Variants in FBXL13 observed in about 807,000 individuals in gnomAD.
The protein encoded by FBXL13 is F-box and leucine rich repeat protein 13, also known as F-box and leucine-rich repeat protein 13.
In FBXL13, 67 loss-of-function variants were observed where a neutral mutation model predicts 83.6. That is an observed-to-expected ratio of 0.80 (90% CI 0.66 to 0.98). The LOEUF is 0.98. Ranked by LOEUF, FBXL13 falls within the 50% of genes least tolerant of loss-of-function variation. The pLI is 0.00. For synonymous variants in FBXL13, 272 were observed against 299.5 expected, an observed-to-expected ratio of 0.91 and a Z score of 0.95; for missense variants, 822 against 866.5, an observed-to-expected ratio of 0.95 and a Z score of 0.64.
intron 11 of FBXL13, among the ~76,000 whole-genome samples, chr7:102,884,683 T>C (rs1178591928): frequency 6.6e-6 from 1 of 152,128 alleles, no homozygotes; most frequent in East Asian, 1.9e-4. Flanking sequence ...ATTAACCACT[T>C]ACATAAGTTA....
At chr7:102,869,679 C>T (rs1250408136) in intron 16 of FBXL13, among the ~76,000 whole-genome samples, 2 of 152,014 alleles carry the variant, frequency 1.3e-5, no homozygotes, top group Non-Finnish European at 2.9e-5. Flanking sequence ...GAATCTAGTT[C>T]CATTCTTCTG....
intron 6 of FBXL13, among the ~76,000 whole-genome samples, chr7:102,972,657 C>A (rs972403373): frequency 6.6e-6 from 1 of 150,786 alleles, no homozygotes; most frequent in South Asian, 2.1e-4. Context: ...TTACTTTAAA[C>A]GTTTTTATTT....
At chr7:102,916,655 G>A (rs1038310007) in intron 10 of FBXL13, among the ~76,000 whole-genome samples, 16 of 152,140 alleles carry the variant, frequency 1.1e-4, no homozygotes, top group Admixed American at 5.2e-4. Context: ...TGGCAAAGAC[G>A]CGTGTCCCCT....
In FBXL13 at chr7:102,834,827, A is replaced by G. The variant is rs950470274; in HGVS notation, c.1720-1853T>C. ...AAATGTTCTCACCATAAAAAGTATC[A>G]TAAGTATGTAAGGTGATGAATGTTA... On this transcript the variant is annotated intron_variant, in intron 17 of 19. Transcript: ENST00000313221. 1.2e-4 allele frequency: 19 copies of G among 152,118 alleles called. No homozygotes were observed. The East Asian group carries it at 2.7e-3, about 22-fold the overall frequency. The allele number at this position is 152,118 out of a possible 1,614,324, so 9.4% of individuals were successfully genotyped here.
At chr7:103,068,232 C>T (rs1798580331) in intron 1 of FBXL13, among the ~76,000 whole-genome samples, 1 of 152,160 alleles carries the variant, frequency 6.6e-6, no homozygotes, top group Non-Finnish European at 1.5e-5. Flanking sequence ...GATGCTAATG[C>T]TACCAACAAA....
At chr7:102,820,757 A>G (rs946574659) in intron 19 of FBXL13, among the ~76,000 whole-genome samples, 4 of 152,082 alleles carry the variant, frequency 2.6e-5, no homozygotes, top group African/African-American at 7.2e-5. Context: ...TCAGGAACCC[A>G]CTCCCATGAT....
intron 11 of FBXL13, among the ~76,000 whole-genome samples, chr7:102,896,504 A>C (rs891369541): frequency 7.2e-5 from 11 of 152,192 alleles, no homozygotes; most frequent in Non-Finnish European, 1.3e-4. Context: ...TTAGTTTGCT[A>C]GACATGCTGT....
chr7:102,939,964 G>A (rs188259219), intron 8 of FBXL13, among the ~76,000 whole-genome samples: 9 of 151,504 alleles, frequency 5.9e-5, no homozygotes, highest in African/African-American at 1.9e-4. Flanking sequence ...GTGTGATCTC[G>A]GCTCACTGCA....
rs758992489 is a variant in FBXL13 at position 102,913,043 on chromosome 7, A to G, written c.1008+43T>C. The G allele has an allele frequency of 6.8e-6, 11 of 1,613,222 alleles. No individual in the cohort carries two copies. The Admixed American group carries it at 1.8e-4, about 27-fold the overall frequency. On this transcript the variant is annotated intron_variant, in intron 11 of 19. Transcript: ENST00000313221. Reference sequence around the variant, plus strand: ...CTGAATGCAGCCCATTCTCTGGAGAACTTCCTCACACACCGCAGCAAAGAG... The same window carrying G: ...CTGAATGCAGCCCATTCTCTGGAGAGCTTCCTCACACACCGCAGCAAAGAG...
chr7:103,028,218 T>C (rs1014768474), intron 4 of FBXL13, among the ~76,000 whole-genome samples: 3 of 152,200 alleles, frequency 2.0e-5, no homozygotes, highest in South Asian at 2.1e-4. Context: ...AGTTTCGTCA[T>C]ATATACATTA....
intron 8 of FBXL13, among the ~76,000 whole-genome samples, chr7:102,953,914 T>A (rs558441226): frequency 6.6e-6 from 1 of 152,334 alleles, no homozygotes; most frequent in South Asian, 2.1e-4. Flanking sequence ...TATACACATA[T>A]ACCTATAGGG....
At chr7:103,041,801 T>C (rs1795736532) in intron 2 of FBXL13, among the ~76,000 whole-genome samples, 1 of 152,178 alleles carries the variant, frequency 6.6e-6, no homozygotes, top group Non-Finnish European at 1.5e-5. Flanking sequence ...CTCAATAAAC[T>C]AGGTATTGAT....
chr7:103,024,967 T>A (rs966928414), intron 6 of FBXL13, 96 bp downstream of exon 7: 1 of 854,128 alleles, frequency 1.2e-6, no homozygotes, highest in Non-Finnish European at 1.6e-6. Context: ...TTCAAGCAAT[T>A]CTCCTGTCTC....
rs150360239 is a variant in FBXL13, at chr7:102,883,453, T to G, written c.1240A>C (p.Thr414Pro). 3.1e-6 allele frequency: 5 copies of G among 1,609,610 alleles called. No homozygotes were observed. In the African/African-American group the frequency reaches 6.7e-5, roughly 22 times the overall value. The change falls in exon 14 of 20, where the codon ACT (threonine) becomes CCT (proline). Residue 414 changes from threonine to proline, a missense_variant. Thr to Pro is a conservative substitution (Grantham distance 38). Transcript: ENST00000313221. ...TCTATAAATTTGAAGGATGCATCAG[T>G]AACCCTTTTATTTCCTGTTTTTAAA... is the stretch of plus-strand genomic sequence containing the variant.
rs143441326 is a variant in FBXL13, at chr7:103,027,416, G to A, written c.327+33C>T. On this transcript the variant is annotated intron_variant, in intron 5 of 19. Coordinates refer to ENST00000313221, the Ensembl canonical transcript of FBXL13. Reference sequence around the variant, plus strand: ...CAACATGAATATAACTGAAACATTCGGATTCTTAAAAAATTGTTTCAATAT... The same window carrying A: ...CAACATGAATATAACTGAAACATTCAGATTCTTAAAAAATTGTTTCAATAT... The A allele has an allele frequency of 3.3e-5, 47 of 1,441,220 alleles. 1 individual carries two copies. The highest frequency in any genetic ancestry group is 7.0e-5 in the African/African-American group (5 of 71,020). 89.3% of individuals were successfully genotyped at this position (1,441,220 alleles called of 1,614,324 possible).
At chr7:103,005,770 T>C (rs889743337) in intron 6 of FBXL13, among the ~76,000 whole-genome samples, 23 of 152,204 alleles carry the variant, frequency 1.5e-4, no homozygotes, top group Middle Eastern at 3.4e-3. Flanking sequence ...ATATAGTACA[T>C]TGAGGACCAG....
At chr7:103,018,839 AC>A (rs1229611173) in intron 6 of FBXL13, among the ~76,000 whole-genome samples, 1 of 152,162 alleles carries the variant, frequency 6.6e-6, no homozygotes, top group Non-Finnish European at 1.5e-5. Context: ...GTCCTTAGAG[AC>A]CTACAAAGAG....
At chr7:103,028,953 T>C (rs866430974) in intron 3 of FBXL13, among the ~76,000 whole-genome samples, 1 of 152,086 alleles carries the variant, frequency 6.6e-6, no homozygotes, top group Non-Finnish European at 1.5e-5. Context: ...TCATATTTCT[T>C]TTTAGATAAA....
chr7:102,866,881 C>T (rs557818444), intron 16 of FBXL13, among the ~76,000 whole-genome samples: 1 of 152,320 alleles, frequency 6.6e-6, no homozygotes, highest in South Asian at 2.1e-4. Flanking sequence ...ATGGGATGGT[C>T]CTGTCTCTGC....
Sources: gnomAD v4.1 joint callset for allele counts (sites outside exome capture counted in the v4.1 genomes callset) on GRCh38, gnomAD v4.1.1 for gene constraint, MANE v1.5 for transcripts, NCBI Gene and HGNC (gene_info 2026-07-23, HGNC 2026-07-21) for gene names.